Variants in CCZ1 observed in about 807,000 individuals in gnomAD.
CCZ1 encodes the protein vacuolar fusion protein CCZ1 homolog.
Under a neutral mutation model 57.8 loss-of-function variants are expected in CCZ1, and 19 were observed. The ratio of observed to expected loss-of-function variants is 0.33; its 90% CI spans 0.23 to 0.48. The LOEUF is 0.48. Ranked by LOEUF, CCZ1 falls within the 20% of genes least tolerant of loss-of-function variation. The probability of loss-of-function intolerance (pLI) is 0.99; values close to 1 mark genes in which losing one functional copy is unlikely to be tolerated. For synonymous variants in CCZ1, 81 were observed against 167.0 expected (o/e 0.49, Z 3.97); for missense variants, 200 against 492.0 (o/e 0.41, Z 5.61).
At chr7:5,918,514 C>T in intron 10 of CCZ1, 1 of 456,862 alleles carries the variant, frequency 2.2e-6, no homozygotes, top group Admixed American at 3.5e-5. Context: ...CAGTGAACCC[C>T]TAAGTCCCCA....
chr7:5,900,661 C>T (rs1781665309), intron 3 of CCZ1, 95 bp downstream of exon 3: 1 of 1,253,238 alleles, frequency 8.0e-7, no homozygotes, highest in African/African-American at 1.6e-5. Context: ...CTGGCTGTTG[C>T]ATCCAAGTAA....
intron 8 of CCZ1, among the ~76,000 whole-genome samples, chr7:5,910,583 C>A (rs1781946462): frequency 6.9e-6 from 1 of 144,678 alleles, no homozygotes; most frequent in African/African-American, 2.5e-5. Context: ...ACCTTGGCCT[C>A]CCAAAGTGCT....
At chr7:5,908,733 TTGTC>T (rs1562540860) in intron 7 of CCZ1, among the ~76,000 whole-genome samples, 2 of 144,038 alleles carry the variant, frequency 1.4e-5, no homozygotes, top group Non-Finnish European at 3.0e-5. Flanking sequence ...TCCAGCCTCA[TTGTC>T]TGTCTCCTTT....
At chr7:5,902,371 G>C in intron 5 of CCZ1, 1 of 283,316 alleles carries the variant, frequency 3.5e-6, no homozygotes, top group South Asian at 6.2e-5. Context: ...TAAAAAAACA[G>C]AAATGTGGGT....
chr7:5,903,262 C>T (rs1781725459), intron 6 of CCZ1, among the ~76,000 whole-genome samples: 1 of 145,076 alleles, frequency 6.9e-6, no homozygotes, highest in African/African-American at 2.6e-5. Flanking sequence ...TTGCATGTTT[C>T]ACCCTACCTT....
At chr7:5,904,253 ATGT>A (rs1781752140) in intron 6 of CCZ1, among the ~76,000 whole-genome samples, 1 of 139,820 alleles carries the variant, frequency 7.2e-6, no homozygotes, top group Non-Finnish European at 1.5e-5. Flanking sequence ...CGCCCGGCTA[ATGT>A]TGTAATTTTA....
At chr7:5,924,418 T>C (rs1322471211) in intron 14 of CCZ1, among the ~76,000 whole-genome samples, 1 of 98,838 alleles carries the variant, frequency 1.0e-5, no homozygotes, top group African/African-American at 3.8e-5. Flanking sequence ...TTCTTTTTTT[T>C]TTTTTGAAAC....
intron 8 of CCZ1, among the ~76,000 whole-genome samples, chr7:5,910,585 C>T (rs1372564279): frequency 6.9e-6 from 1 of 144,248 alleles, no homozygotes; most frequent in African/African-American, 2.5e-5. Flanking sequence ...CTTGGCCTCC[C>T]AAAGTGCTGG....
intron 12 of CCZ1, among the ~76,000 whole-genome samples, chr7:5,920,487 T>TTTTTTG (rs1360301005): frequency 8.5e-6 from 1 of 117,394 alleles, no homozygotes; most frequent in African/African-American, 3.3e-5. Flanking sequence ...TTTTTTTTTT[T>TTTTTTG]GAGACAAATT....
chr7:5,905,061 A>T (rs1349634570), intron 6 of CCZ1, 33 bp from the exon 7 acceptor site: 1 of 1,589,290 alleles, frequency 6.3e-7, no homozygotes, highest in Non-Finnish European at 8.5e-7. Context: ...GTGTACTATT[A>T]GTAAATTTTA....
chr7:5,913,429 G>A (rs1270815804), intron 10 of CCZ1, among the ~76,000 whole-genome samples: 1 of 150,722 alleles, frequency 6.6e-6, no homozygotes, highest in African/African-American at 2.4e-5. Context: ...TTTGATTCAA[G>A]AAAGAAGACG....
intron 9 of CCZ1, 86 bp downstream of exon 9, chr7:5,912,008 C>CA (rs1779050032): frequency 6.4e-7 from 1 of 1,573,378 alleles, no homozygotes; most frequent in Non-Finnish European, 8.6e-7. Context: ...GGCTGGAGAG[C>CA]AGTGGCAAGA....
chr7:5,914,306 C>T (rs1181275138), intron 10 of CCZ1, among the ~76,000 whole-genome samples: 2 of 148,068 alleles, frequency 1.4e-5, no homozygotes, highest in Non-Finnish European at 1.5e-5. Context: ...CATGGCAGTG[C>T]TCATGTGTAG....
intron 14 of CCZ1, chr7:5,925,431 C>T: frequency 1.9e-6 from 1 of 525,200 alleles, no homozygotes; most frequent in South Asian, 2.1e-5. Context: ...CACACCACTA[C>T]ACTCCAGCCT....
In CCZ1 at chr7:5,900,384, A is replaced by G. The variant is rs570846172; in HGVS notation, c.218+3A>G. ...GAAGCTATTGTACAGTTTACAAGGT[A>G]ATACCTCTAAGTGTGCTTTTAGCGT... On this transcript the variant is annotated splice_donor_region_variant and intron_variant, in intron 2 of 14. Transcript: ENST00000325974. The G allele has an allele frequency of 2.3e-4, 355 of 1,557,604 alleles. 83 individuals carry two copies. In the Admixed American group the frequency reaches 6.2e-3, roughly 27 times the overall value.
At chr7:5,911,449 T>G (rs1488238732) in intron 8 of CCZ1, among the ~76,000 whole-genome samples, 2 of 140,698 alleles carry the variant, frequency 1.4e-5, no homozygotes, top group Non-Finnish European at 3.0e-5. Context: ...ACTACAGGTG[T>G]GTGCCACCAC....
intron 7 of CCZ1, among the ~76,000 whole-genome samples, chr7:5,909,199 C>T (rs1407884793): frequency 8.8e-5 from 13 of 147,462 alleles, no homozygotes; most frequent in African/African-American, 3.3e-4. Flanking sequence ...TGCCTGGACT[C>T]AAGTTTAACC....
rs184137692 is a variant in CCZ1 at position 5,911,491 on chromosome 7, C to T, written c.781-370C>T. ...CTAATTTTTTGTAGAGATGGGATCT[C>T]GTCATGTTGCCCAGGCTATTCTCAA... On this transcript the variant is annotated intron_variant, in intron 8 of 14. Coordinates refer to ENST00000325974, the MANE Select transcript of CCZ1 (RefSeq NM_015622.6). Among the ~76,000 whole-genome samples the T allele has an allele frequency of 4.8e-3, 709 of 148,880 alleles. 41 individuals are homozygous for T. The highest frequency in any genetic ancestry group is 0.017 in the African/African-American group (675 of 40,276).
chr7:5,907,790 T>C lies in CCZ1; in HGVS notation c.699-2245T>C, dbSNP rs1272578551. 3.7e-5 allele frequency among the ~76,000 whole-genome samples: 3 copies of C among 81,864 alleles called. 1 individual carries two copies. The highest frequency in any genetic ancestry group is 1.4e-4 in the African/African-American group (3 of 20,974). 53.7% of individuals were successfully genotyped at this position (81,864 alleles called of 152,430 possible). A position where few individuals can be genotyped will look rare whatever the true frequency, so the allele number is the denominator to read the frequency against. ...GTGGGGAAAGGTCAGTCCCAGGAAG[T>C]AGCAACAAAAATAACCTTCAAGCAA... On this transcript the variant is annotated intron_variant, in intron 7 of 14. Coordinates refer to ENST00000325974, the MANE Select transcript of CCZ1 (RefSeq NM_015622.6).
Sources: allele counts gnomAD v4.1 joint callset (sites outside exome capture counted in the v4.1 genomes callset), GRCh38; gene constraint gnomAD v4.1.1; transcripts MANE v1.5; gene names NCBI Gene and HGNC (gene_info 2026-07-23, HGNC 2026-07-21).